The following FOCAD variants were observed in gnomAD, a reference collection of about 807,000 sequenced individuals.
The protein encoded by FOCAD is KIAA1797.
In FOCAD, 198 loss-of-function variants were observed where a neutral mutation model predicts 225.6. That is an observed-to-expected ratio of 0.88 (90% CI 0.78 to 0.99). FOCAD has a LOEUF of 0.99. Among genes scored for constraint, FOCAD ranks in the 50% least tolerant of loss-of-function variants. The pLI is 0.00. For missense variants in FOCAD, 2,713 were observed against 2,123.6 expected, an observed-to-expected ratio of 1.28 and a Z score of -5.46; for synonymous variants, 897 against 755.0, an observed-to-expected ratio of 1.19 and a Z score of -3.08.
Position 20,795,958 on chromosome 9 carries a change from T to TC in FOCAD, c.1455+6356dup, listed in dbSNP as rs1157041207. Among the ~76,000 whole-genome samples the TC allele has an allele frequency of 2.8e-4, 42 of 150,358 alleles. No individual in the cohort carries two copies. The South Asian group carries it at 8.4e-3, about 30-fold the overall frequency. ...TAGGTATATCTCCTAATGCTATCCC[T>TC]CCCCCCTGCCCCCACCCCACAACAG... On this transcript the variant is annotated intron_variant, in intron 11 of 43. Transcript: ENST00000338382.
At position 20,978,436 on chromosome 9, in the gene FOCAD, A is replaced by G. The variant is rs1278951921; in HGVS notation, c.4359A>G (p.Pro1453=). The part of the protein sequence containing the change: ...AALLGLWVTP[P]LIHSLSLNTK... ...TATTGGGCTTGTGGGTGACACCACC[A>G]CTGATCCACAGTCTGAGTGTATGTA... Residue 1453 remains proline (P), a synonymous_variant, in exon 37 of 44, where the codon CCA becomes CCG. Transcript: ENST00000338382. 2 of 1,610,126 alleles carry G rather than the reference A, an allele frequency of 1.2e-6. No homozygotes were observed. The highest frequency in any genetic ancestry group is 1.3e-5 in the African/African-American group (1 of 74,792).
At chr9:20,923,859 T>G in intron 25 of FOCAD, 91 bp downstream of exon 25, 2 of 930,388 alleles carry the variant, frequency 2.1e-6, no homozygotes, top group African/African-American at 1.6e-5. Flanking sequence ...AAGGTTAGAT[T>G]CTGTGATTAT....
At chr9:20,943,740 G>A (rs139660421) in intron 28 of FOCAD, among the ~76,000 whole-genome samples, 67 of 152,300 alleles carry the variant, frequency 4.4e-4, no homozygotes, top group African/African-American at 1.6e-3. Flanking sequence ...ATATCATGAT[G>A]AGAGGCAAGG....
intron 4 of FOCAD, among the ~76,000 whole-genome samples, chr9:20,721,429 C>T (rs1298212962): frequency 1.3e-5 from 2 of 152,056 alleles, no homozygotes; most frequent in Admixed American, 6.5e-5. Context: ...ATGCTGGATG[C>T]AGTGGGTCAC....
intron 5 of FOCAD, among the ~76,000 whole-genome samples, chr9:20,748,350 G>C (rs976723928): frequency 2.0e-5 from 3 of 151,970 alleles, no homozygotes; most frequent in African/African-American, 7.2e-5. Flanking sequence ...GTTCTAAGGA[G>C]ACTGAGTTGT....
intron 22 of FOCAD, among the ~76,000 whole-genome samples, chr9:20,908,784 C>G (rs1220628760): frequency 6.6e-6 from 1 of 152,066 alleles, no homozygotes; most frequent in Non-Finnish European, 1.5e-5. Flanking sequence ...AGAGTATGTA[C>G]TTTTTCTCAC....
chr9:20,869,792 T>C (rs1052889602), intron 18 of FOCAD, among the ~76,000 whole-genome samples: 1 of 152,200 alleles, frequency 6.6e-6, no homozygotes, highest in Admixed American at 6.6e-5. Flanking sequence ...CTGAGGATGT[T>C]GACTGAATGC....
At position 20,874,696 on chromosome 9, in the gene FOCAD, C is replaced by T. The variant is rs753587095; in HGVS notation, c.2206C>T (p.Pro736Ser). The T allele has an allele frequency of 1.3e-5, 21 of 1,613,142 alleles. 1 individual carries two copies. The African/African-American group carries it at 1.5e-4, about 11-fold the overall frequency. ...ATCATTTCAGATAAGACCAGAAATT[C>T]CCATTCCTGAAGAGTTAGATGACGA... ...HLPEKIRPEI[P>S]IPEELDDDED... Residue 736 changes from proline (P) to serine (S), a missense_variant, in exon 19 of 44, where the codon CCC (proline) becomes TCC (serine). Transcript: ENST00000338382.
At chr9:20,847,301 T>G (rs1034987133) in intron 15 of FOCAD, among the ~76,000 whole-genome samples, 1 of 152,134 alleles carries the variant, frequency 6.6e-6, no homozygotes, top group Non-Finnish European at 1.5e-5. Context: ...GTTTTGGACA[T>G]TTTATGTAAA....
chr9:20,684,332 C>T (rs943634850), intron 1 of FOCAD, 39 bp downstream of exon 1: 1 of 152,390 alleles, frequency 6.6e-6, no homozygotes, highest in Admixed American at 6.5e-5. Flanking sequence ...CCGCTGCACC[C>T]CTGCTCGGGA....
intron 35 of FOCAD, among the ~76,000 whole-genome samples, chr9:20,962,060 CT>C (rs1838780373): frequency 6.6e-6 from 1 of 152,060 alleles, no homozygotes; most frequent in Non-Finnish European, 1.5e-5. Flanking sequence ...CCTGTGTTTT[CT>C]ATGGACTTAG....
At chr9:20,797,174 G>A (rs10964707) in intron 11 of FOCAD, among the ~76,000 whole-genome samples, 55,279 of 151,870 alleles carry the variant, frequency 0.36, 10,310 homozygotes, top group East Asian at 0.49. Flanking sequence ...CCATTGGTCT[G>A]TATCTCTGTT....
At chr9:20,909,127 C>G (rs1279898193) in intron 22 of FOCAD, among the ~76,000 whole-genome samples, 1 of 152,018 alleles carries the variant, frequency 6.6e-6, no homozygotes, top group Non-Finnish European at 1.5e-5. Flanking sequence ...CTGCAGATGA[C>G]TTGCAATTGA....
intron 11 of FOCAD, among the ~76,000 whole-genome samples, chr9:20,803,158 C>G (rs1316457266): frequency 6.6e-6 from 1 of 152,008 alleles, no homozygotes; most frequent in African/African-American, 2.4e-5. Context: ...TATCATTCAG[C>G]TTGAAATACT....
chr9:20,780,805 T>A lies in FOCAD; in HGVS notation c.995-922T>A, dbSNP rs564247465. Reference sequence around the variant, plus strand: ...AAAGATAATGGATTTTCATAATATCTCAGAAACAATTATGGATTAAGACCA... The same window carrying A: ...AAAGATAATGGATTTTCATAATATCACAGAAACAATTATGGATTAAGACCA... On this transcript the variant is annotated intron_variant, in intron 9 of 43. Coordinates refer to ENST00000338382, the MANE Select transcript of FOCAD (RefSeq NM_001375567.1). Among the ~76,000 whole-genome samples, 18 of 152,310 alleles carry A rather than the reference T, an allele frequency of 1.2e-4. No homozygotes were observed. In the East Asian group the frequency reaches 3.1e-3, roughly 26 times the overall value.
intron 4 of FOCAD, among the ~76,000 whole-genome samples, chr9:20,738,743 A>G (rs1827356897): frequency 6.6e-6 from 1 of 152,350 alleles, no homozygotes; most frequent in African/African-American, 2.4e-5. Flanking sequence ...AGTGCTGTGA[A>G]ATAGAAATAT....
At chr9:20,753,175 G>A (rs1239633144) in intron 5 of FOCAD, among the ~76,000 whole-genome samples, 2 of 152,056 alleles carry the variant, frequency 1.3e-5, no homozygotes, top group East Asian at 3.9e-4. Flanking sequence ...TAATTGCCCT[G>A]GCCAGAACTT....
chr9:20,677,564 A>G (rs559231493), intron 2 of FOCAD, among the ~76,000 whole-genome samples: 15 of 152,230 alleles, frequency 9.9e-5, no homozygotes, highest in Admixed American at 3.9e-4. Context: ...CCTGATAGAC[A>G]TTTCTCCAAA....
intron 1 of FOCAD, among the ~76,000 whole-genome samples, chr9:20,707,649 G>A (rs1300865313): frequency 6.6e-6 from 1 of 152,102 alleles, no homozygotes; most frequent in Non-Finnish European, 1.5e-5. Context: ...CGTCATAAAG[G>A]TCTTCATCTT....
Sources: allele counts gnomAD v4.1 joint callset (sites outside exome capture counted in the v4.1 genomes callset), GRCh38; gene constraint gnomAD v4.1.1; transcripts MANE v1.5; gene names NCBI Gene and HGNC (gene_info 2026-07-23, HGNC 2026-07-21).